Variants in GPD1L observed in about 807,000 individuals in gnomAD.
GPD1L encodes glycerol-3-phosphate dehydrogenase 1 like.
Under a neutral mutation model 32.9 loss-of-function variants are expected in GPD1L, and 17 were observed. The observed-to-expected ratio is 0.52, with a 90% CI of 0.35 to 0.78. The LOEUF is 0.78. Ranked by LOEUF, GPD1L falls within the 30% of genes least tolerant of loss-of-function variation. The pLI is 0.01. For synonymous variants in GPD1L, 187 were observed against 165.9 expected, an observed-to-expected ratio of 1.13 and a Z score of -0.98; for missense variants, 361 against 447.8, an observed-to-expected ratio of 0.81 and a Z score of 1.75.
At position 32,138,680 on chromosome 3, in the gene GPD1L, A is replaced by G. The variant is rs1374745021; in HGVS notation, c.319A>G (p.Ile107Val). 2.5e-6 allele frequency: 4 copies of G among 1,614,096 alleles called. No homozygotes were observed. The East Asian group carries it at 8.9e-5, about 36-fold the overall frequency. ...HQFIHRICDE[I>V]TGRVPKKALG... ...GTTCATTCACAGAATCTGTGATGAG[A>G]TCACTGGGAGAGTGCCCAAGAAAGC... is the stretch of plus-strand genomic sequence containing the variant. Residue 107 changes from isoleucine (I) to valine (V), a missense_variant, in exon 3 of 8, where the codon ATC (isoleucine) becomes GTC (valine). Coordinates refer to ENST00000282541, the MANE Select transcript of GPD1L (RefSeq NM_015141.4).
chr3:32,125,616 G>C (rs1254448093), intron 1 of GPD1L, among the ~76,000 whole-genome samples: 5 of 152,172 alleles, frequency 3.3e-5, no homozygotes, highest in Non-Finnish European at 7.3e-5. Context: ...CCTTTGTATT[G>C]AAGTCCACTG....
chr3:32,123,440 C>G (rs1309496897), intron 1 of GPD1L, among the ~76,000 whole-genome samples: 1 of 152,160 alleles, frequency 6.6e-6, no homozygotes, highest in East Asian at 1.9e-4. Flanking sequence ...ATTCTGCACT[C>G]GCTCAGGACC....
chr3:32,127,891 G>A (rs949096259), intron 1 of GPD1L, among the ~76,000 whole-genome samples, 185 bp from the exon 2 acceptor site: 4 of 152,222 alleles, frequency 2.6e-5, no homozygotes, highest in South Asian at 4.1e-4. Flanking sequence ...CCCAGTCACA[G>A]GCGGTGGTAT....
At chr3:32,109,023 G>A (rs1700208584) in intron 1 of GPD1L, among the ~76,000 whole-genome samples, 1 of 152,084 alleles carries the variant, frequency 6.6e-6, no homozygotes, top group Non-Finnish European at 1.5e-5. Flanking sequence ...CTAATTTTTT[G>A]TATTCTTAGT....
In GPD1L at chr3:32,109,972, C is replaced by T. The variant is rs1197374101; in HGVS notation, c.47+3214C>T. 3.3e-5 allele frequency among the ~76,000 whole-genome samples: 5 copies of T among 152,248 alleles called. No individual in the cohort carries two copies. In the East Asian group the frequency reaches 9.6e-4, roughly 29 times the overall value. ...TCGCTCTGTCGCCCAGGCTAGAGTGCAGTGGCGCAATCTCAGCTCACCGCA... is the reference window on the plus strand; with the variant it reads ...TCGCTCTGTCGCCCAGGCTAGAGTGTAGTGGCGCAATCTCAGCTCACCGCA... On this transcript the variant is annotated intron_variant, in intron 1 of 7. Transcript: ENST00000282541.
At chr3:32,146,083 CTTTTT>C (rs59106750) in intron 4 of GPD1L, among the ~76,000 whole-genome samples, 51 of 126,150 alleles carry the variant, frequency 4.0e-4, no homozygotes, top group East Asian at 5.1e-4. Flanking sequence ...ATGCTTTTTT[CTTTTT>C]TTTTTTTTTT....
rs139425219 is a variant in GPD1L at position 32,124,921 on chromosome 3, TCAAA to T, written c.48-3144_48-3141del. Reference sequence around the variant, plus strand: ...CTGGAGGACAGAGCAAGACATTGTCTCAAACAAACAAACAGAGAGAGTATGCCAA... The same window carrying T: ...CTGGAGGACAGAGCAAGACATTGTCTCAAACAAACAGAGAGAGTATGCCAA... On this transcript the variant is annotated intron_variant, in intron 1 of 7. Transcript: ENST00000282541. Among the ~76,000 whole-genome samples the T allele has an allele frequency of 2.0e-3, 304 of 152,112 alleles. 2 individuals carry two copies. Among genetic ancestry groups the T allele is most frequent in the Middle Eastern group, 6.8e-3 (2 of 294 alleles).
chr3:32,126,443 C>T (rs748289167), intron 1 of GPD1L, among the ~76,000 whole-genome samples: 7 of 152,128 alleles, frequency 4.6e-5, no homozygotes, highest in Admixed American at 1.3e-4. Context: ...CTCAGTCCCC[C>T]AGAACCATAC....
intron 5 of GPD1L, 172 bp from the exon 6 acceptor site, chr3:32,158,703 CT>C (rs1186304264): frequency 7.7e-6 from 11 of 1,433,898 alleles, no homozygotes; most frequent in Non-Finnish European, 1.0e-5. Flanking sequence ...CCTGTCTCTC[CT>C]TTCGTCATCT....
chr3:32,111,885 C>A (rs146297422), intron 1 of GPD1L, among the ~76,000 whole-genome samples: 1 of 151,840 alleles, frequency 6.6e-6, no homozygotes, highest in African/African-American at 2.4e-5. Flanking sequence ...CCCTGGGCAC[C>A]CTTTTGTCTG....
Position 32,166,092 on chromosome 3 carries a change from G to A in GPD1L, c.*182G>A. 1.5e-6 allele frequency: 1 copy of A among 645,684 alleles called. No individual in the cohort carries two copies. The allele number at this position is 645,684 out of a possible 1,614,324, so 40.0% of individuals were successfully genotyped here. ...TTCATTAGCAAAGATGTACTGGGCA[G>A]TAACTAAACACACATGCAAACATGT... is the stretch of plus-strand genomic sequence containing the variant. On this transcript the variant is annotated 3_prime_UTR_variant, in exon 8 of 8. Transcript: ENST00000282541.
At chr3:32,155,684 G>T (rs942914394) in intron 5 of GPD1L, among the ~76,000 whole-genome samples, 10 of 152,208 alleles carry the variant, frequency 6.6e-5, no homozygotes, top group Admixed American at 6.5e-5. Context: ...CAGACCCGCT[G>T]CATGTCCCCA....
chr3:32,134,387 C>G (rs569691987), intron 2 of GPD1L, among the ~76,000 whole-genome samples: 336 of 152,306 alleles, frequency 2.2e-3, no homozygotes, highest in Non-Finnish European at 3.9e-3. Context: ...GTCCTAGAGA[C>G]CATCACATTC....
intron 2 of GPD1L, among the ~76,000 whole-genome samples, chr3:32,136,367 G>A (rs963595232): frequency 6.6e-6 from 1 of 152,212 alleles, no homozygotes; most frequent in Non-Finnish European, 1.5e-5. Context: ...GGCTCTGATT[G>A]TTTAATGTGC....
intron 1 of GPD1L, among the ~76,000 whole-genome samples, chr3:32,110,081 C>T (rs1025397131): frequency 1.3e-5 from 2 of 152,222 alleles, no homozygotes; most frequent in Non-Finnish European, 1.5e-5. Context: ...CCACGCCCAG[C>T]TAATTTTTTG....
Position 32,167,268 on chromosome 3 carries a change from A to G in GPD1L, c.*1358A>G, listed in dbSNP as rs1316932431. On this transcript the variant is annotated 3_prime_UTR_variant, in exon 8 of 8. Coordinates refer to ENST00000282541, the MANE Select transcript of GPD1L (RefSeq NM_015141.4). ...GAAGGTGTCGAATGTATGTTTATAC[A>G]TCAGTGGAACCCATTTTTCTAGCCT... 2.0e-5 allele frequency: 3 copies of G among 152,256 alleles called. No individual in the cohort carries two copies. The East Asian group carries it at 5.8e-4, about 29-fold the overall frequency. The allele number at this position is 152,256 out of a possible 1,614,324, so 9.4% of individuals were successfully genotyped here.
At chr3:32,124,743 T>G (rs746464908) in intron 1 of GPD1L, among the ~76,000 whole-genome samples, 11 of 152,042 alleles carry the variant, frequency 7.2e-5, no homozygotes, top group Non-Finnish European at 1.6e-4. Flanking sequence ...CTGGGCAACA[T>G]AGAGAGATTT....
chr3:32,115,030 T>A (rs1489461689), intron 1 of GPD1L, among the ~76,000 whole-genome samples: 2 of 152,204 alleles, frequency 1.3e-5, no homozygotes, highest in Non-Finnish European at 2.9e-5. Context: ...GAACAAAGCA[T>A]CCACGGAGTA....
intron 1 of GPD1L, among the ~76,000 whole-genome samples, chr3:32,125,891 T>C (rs914195612): frequency 6.6e-6 from 1 of 152,180 alleles, no homozygotes; most frequent in African/African-American, 2.4e-5. Context: ...TAGAATGAGG[T>C]CTTGATGACC....
Sources: allele counts gnomAD v4.1 joint callset (sites outside exome capture counted in the v4.1 genomes callset), GRCh38; gene constraint gnomAD v4.1.1; transcripts MANE v1.5; gene names NCBI Gene and HGNC (gene_info 2026-07-23, HGNC 2026-07-21).